The following UBR2 variants were observed in gnomAD, a reference collection of about 807,000 sequenced individuals.
UBR2 encodes the protein ubiquitin protein ligase E3 component n-recognin 2.
A neutral mutation model predicts 247.9 loss-of-function variants in UBR2; 92 were observed. The observed-to-expected ratio is 0.37, with a 90% CI of 0.31 to 0.44. UBR2 has a LOEUF of 0.44. Ranked by LOEUF, UBR2 falls within the 20% of genes least tolerant of loss-of-function variation. The pLI is 1.00. For missense variants in UBR2, 1,613 were observed against 2,112.6 expected (o/e 0.76, Z 4.64); for synonymous variants, 672 against 693.5 (o/e 0.97, Z 0.49).
intron 21 of UBR2, among the ~76,000 whole-genome samples, chr6:42,646,814 T>TAG (rs1194562995): frequency 4.7e-3 from 685 of 146,890 alleles, no homozygotes; most frequent in Non-Finnish European, 7.2e-3. Flanking sequence ...TGTTTATATA[T>TAG]ATATATAGAG....
At chr6:42,568,216 A>G (rs746697169) in intron 1 of UBR2, among the ~76,000 whole-genome samples, 3 of 152,142 alleles carry the variant, frequency 2.0e-5, no homozygotes, top group Non-Finnish European at 2.9e-5. Context: ...GATTCATGCA[A>G]TCATCACTAT....
chr6:42,571,033 T>C (rs1791094866), intron 1 of UBR2, among the ~76,000 whole-genome samples: 1 of 151,912 alleles, frequency 6.6e-6, no homozygotes, highest in African/African-American at 2.4e-5. Flanking sequence ...CGTCTGAATT[T>C]TTGTTGAAGA....
chr6:42,594,249 A>G lies in UBR2; in HGVS notation c.476A>G (p.Glu159Gly), dbSNP rs768288745. ...CDCGDTEAWK[E>G]GPYCQKHELN... ...TGTGGTGATACTGAAGCCTGGAAAGAGGGTCCTTACTGTCAAAAACATGAA... is the reference window on the plus strand; with the variant it reads ...TGTGGTGATACTGAAGCCTGGAAAGGGGGTCCTTACTGTCAAAAACATGAA... The change falls in exon 4 of 47, where the codon GAG becomes GGG. Residue 159 changes from glutamate (E) to glycine (G), a missense_variant. By Grantham distance (98) the Glu-to-Gly change is moderately conservative. Around this residue, in one of 3 missense-constraint regions of UBR2, gnomAD observed 1,524 missense variants for 1,967.3 expected, o/e 0.77. Transcript: ENST00000372901. 1.2e-6 allele frequency: 2 copies of G among 1,613,390 alleles called. No homozygotes were observed. The highest frequency in any genetic ancestry group is 1.7e-4 in the Middle Eastern group (1 of 6,056).
chr6:42,645,696 C>A (rs1582632865), intron 21 of UBR2, 106 bp downstream of exon 21: 1 of 1,218,304 alleles, frequency 8.2e-7, no homozygotes, highest in East Asian at 2.3e-5. Flanking sequence ...ATTGTAAAAT[C>A]TATTGTCATG....
chr6:42,579,799 C>T (rs529263011), intron 2 of UBR2, among the ~76,000 whole-genome samples: 1 of 152,286 alleles, frequency 6.6e-6, no homozygotes, highest in South Asian at 2.1e-4. Flanking sequence ...TGAACCACTG[C>T]ACCTGGCTGG....
chr6:42,579,976 C>A (rs1489588294), intron 2 of UBR2, among the ~76,000 whole-genome samples: 1 of 151,894 alleles, frequency 6.6e-6, no homozygotes, highest in Admixed American at 6.6e-5. Flanking sequence ...TAACTGTTTT[C>A]ATAGTAAGGA....
chr6:42,688,403 G>T lies in UBR2; in HGVS notation c.5024+17G>T, dbSNP rs1263798010. 1 of 1,610,754 alleles carries T rather than the reference G, an allele frequency of 6.2e-7. No individual in the cohort carries two copies. Among genetic ancestry groups the T allele is most frequent in the South Asian group, 1.1e-5 (1 of 90,912 alleles). On this transcript the variant is annotated intron_variant, in intron 45 of 46. Transcript: ENST00000372901. Reference sequence around the variant, plus strand: ...CTTCCTGAGGTAAGGACCTGCAGGGGCTTTTTAGCTTTGGATCTGCCTCAG... The same window carrying T: ...CTTCCTGAGGTAAGGACCTGCAGGGTCTTTTTAGCTTTGGATCTGCCTCAG...
In UBR2 at chr6:42,658,406, A is replaced by G. The variant is rs1299491021; in HGVS notation, c.3063+86A>G. On this transcript the variant is annotated intron_variant, in intron 28 of 46. Coordinates refer to ENST00000372901, the MANE Select transcript of UBR2 (RefSeq NM_001363705.2). Reference sequence around the variant, plus strand: ...ATAAATTTATCTACATTAAGTTGCCAGTTACTCACAACATTTAAATTCCAA... The same window carrying G: ...ATAAATTTATCTACATTAAGTTGCCGGTTACTCACAACATTTAAATTCCAA... 12 of 1,284,464 alleles carry G rather than the reference A, an allele frequency of 9.3e-6. No individual in the cohort carries two copies. In the East Asian group the frequency reaches 2.0e-4, roughly 21 times the overall value. The allele number at this position is 1,284,464 out of a possible 1,614,324, so 79.6% of individuals were successfully genotyped here. A position where few individuals can be genotyped will look rare whatever the true frequency, so the allele number is the denominator to read the frequency against.
chr6:42,663,313 C>G lies in UBR2; in HGVS notation c.3592C>G (p.His1198Asp), dbSNP rs370770022. ...GCGAAGGCAACAGAGATTACGCTTA[C>G]ATACGAGCTATGATGTAGAAAACGG... ...EQRRQQRLRL[H>D]TSYDVENGEF... is the part of the protein sequence containing the mutation. The change falls in exon 32 of 47, where the codon CAT becomes GAT. Residue 1198 changes from histidine to aspartate, a missense_variant. This residue lies in a region of UBR2 where 1,524 missense variants were observed against 1,967.3 expected (regional missense o/e 0.77). Coordinates refer to ENST00000372901, the MANE Select transcript of UBR2 (RefSeq NM_001363705.2). 5.0e-6 allele frequency: 8 copies of G among 1,613,768 alleles called. No individual in the cohort carries two copies. Among genetic ancestry groups the G allele is most frequent in the Non-Finnish European group, 6.8e-6 (8 of 1,179,864 alleles).
intron 32 of UBR2, 65 bp from the exon 33 acceptor site, chr6:42,665,344 A>T: frequency 8.2e-7 from 1 of 1,214,490 alleles, no homozygotes; most frequent in Non-Finnish European, 1.2e-6. Flanking sequence ...GTGATCATTT[A>T]AGGAGTCTTT....
chr6:42,590,065 A>G (rs143667240), intron 2 of UBR2, among the ~76,000 whole-genome samples: 386 of 152,276 alleles, frequency 2.5e-3, no homozygotes, highest in African/African-American at 9.0e-3. Context: ...TCCATTCCGA[A>G]GACTCCAGTT....
intron 4 of UBR2, among the ~76,000 whole-genome samples, chr6:42,598,756 T>G (rs1793166391): frequency 6.6e-6 from 1 of 152,204 alleles, no homozygotes; most frequent in Admixed American, 6.5e-5. Context: ...TTCCTTTTGT[T>G]GAGACTTTTG....
At chr6:42,614,445 TATATA>T (rs1198790370) in intron 8 of UBR2, among the ~76,000 whole-genome samples, 1 of 150,090 alleles carries the variant, frequency 6.7e-6, no homozygotes, top group Non-Finnish European at 1.5e-5. Context: ...TGTACGTACA[TATATA>T]TGTATGGAAC....
chr6:42,652,353 A>T, intron 24 of UBR2, 138 bp from the exon 25 acceptor site: 1 of 1,086,960 alleles, frequency 9.2e-7, no homozygotes, highest in Non-Finnish European at 1.3e-6. Flanking sequence ...TATGCATTTG[A>T]CCTTGAGAAT....
Position 42,676,071 on chromosome 6 carries a change from G to T in UBR2, c.4267G>T (p.Ala1423Ser). The change falls in exon 39 of 47, where the codon GCA becomes TCA. Residue 1423 changes from alanine (A) to serine (S), a missense_variant. Ala to Ser is a moderately conservative substitution (Grantham distance 99). Transcript: ENST00000372901. The part of the protein sequence containing the change: ...MFHLLVGLVL[A>S]FPALQCQDFS... ...TGGTGCCTAGGTGGGCTTGGTGCTTGCATTTCCTGCGTTGCAGTGTCAGGA... is the reference window on the plus strand; with the variant it reads ...TGGTGCCTAGGTGGGCTTGGTGCTTTCATTTCCTGCGTTGCAGTGTCAGGA... 6.2e-7 allele frequency: 1 copy of T among 1,612,304 alleles called. No individual in the cohort carries two copies. Among genetic ancestry groups the T allele is most frequent in the Non-Finnish European group, 8.5e-7 (1 of 1,179,444 alleles).
At chr6:42,647,797 A>G (rs562638407) in intron 21 of UBR2, among the ~76,000 whole-genome samples, 1 of 152,270 alleles carries the variant, frequency 6.6e-6, no homozygotes, top group East Asian at 1.9e-4. Context: ...TAAATGTTTT[A>G]TATACTTTGT....
At chr6:42,588,118 A>G (rs1438361192) in intron 2 of UBR2, among the ~76,000 whole-genome samples, 1 of 152,208 alleles carries the variant, frequency 6.6e-6, no homozygotes, top group South Asian at 2.1e-4. Flanking sequence ...GTTGCAATTA[A>G]TGGTCATCTA....
intron 2 of UBR2, among the ~76,000 whole-genome samples, chr6:42,575,553 C>T (rs1791449108): frequency 6.6e-6 from 1 of 152,110 alleles, no homozygotes; most frequent in Non-Finnish European, 1.5e-5. Flanking sequence ...CTCAATTTTT[C>T]TGTGACTTTC....
At position 42,587,639 on chromosome 6, in the gene UBR2, T is replaced by C. The variant is rs189263729; in HGVS notation, c.339-4512T>C. ...TCCCAAAGTTCTGGGATTACAGGCA[T>C]GAACCACCAAGCCCAGACTTCTTTT... On this transcript the variant is annotated intron_variant, in intron 2 of 46. Coordinates refer to ENST00000372901, the MANE Select transcript of UBR2 (RefSeq NM_001363705.2). Among the ~76,000 whole-genome samples the C allele has an allele frequency of 2.1e-3, 327 of 152,338 alleles. 4 individuals carry two copies. Among genetic ancestry groups the C allele is most frequent in the Non-Finnish European group, 2.5e-3 (171 of 68,028 alleles).
Sources: allele counts gnomAD v4.1 joint callset (sites outside exome capture counted in the v4.1 genomes callset), GRCh38; gene constraint gnomAD v4.1.1; regional missense constraint gnomAD v4.1.1; transcripts MANE v1.5; gene names NCBI Gene and HGNC (gene_info 2026-07-23, HGNC 2026-07-21).